ZFP36L2: variants seen among roughly 807,000 people sequenced by gnomAD.
ZFP36L2 encodes the protein mRNA decay activator protein ZFP36L2.
ZFP36L2 carries 16 observed loss-of-function variants against 27.9 expected under a neutral mutation model. The observed-to-expected ratio is 0.57, with a 90% confidence interval of 0.39 to 0.87. The LOEUF is 0.87. ZFP36L2 is among the 40% of genes least tolerant of loss of function. The pLI is 0.00. For missense variants in ZFP36L2, 989 were observed against 726.9 expected (o/e 1.36, Z -4.15); for synonymous variants, 600 against 363.8 (o/e 1.65, Z -7.39).
In ZFP36L2 at chr2:43,224,291, C is replaced by T. The variant is rs542622432; in HGVS notation, c.*28G>A. 9.1e-6 allele frequency: 14 copies of T among 1,533,198 alleles called. No individual in the cohort carries two copies. The highest frequency in any genetic ancestry group is 8.5e-5 in the African/African-American group (6 of 70,982). The allele number at this position is 1,533,198 out of a possible 1,614,324, so 95.0% of individuals were successfully genotyped here. ...CCTCCAACATCTCTGAACCGCCTTCCCTTCCTCCTCACTGGCGCCCTCTTG... is the reference window on the plus strand; with the variant it reads ...CCTCCAACATCTCTGAACCGCCTTCTCTTCCTCCTCACTGGCGCCCTCTTG... On this transcript the variant is annotated 3_prime_UTR_variant, in exon 2 of 2. Transcript: ENST00000282388.
chr2:43,226,585 A>C lies in ZFP36L2; in HGVS notation c.-270T>G. 4.1e-6 allele frequency: 2 copies of C among 483,844 alleles called. No individual in the cohort carries two copies. The highest frequency in any genetic ancestry group is 7.3e-6 in the Non-Finnish European group (2 of 275,654). The allele number at this position is 483,844 out of a possible 1,614,324, so 30.0% of individuals were successfully genotyped here. A position where few individuals can be genotyped will look rare whatever the true frequency, so the allele number is the denominator to read the frequency against. On this transcript the variant is annotated 5_prime_UTR_variant, in exon 1 of 2. Coordinates refer to ENST00000282388, the MANE Select transcript of ZFP36L2 (RefSeq NM_006887.5). The stretch of plus-strand genomic sequence containing the variant: ...CCGCCCCCCCCGCGGAGCCGACGGC[A>C]GCTCGCGGACTGCTGGAACTCGGCG...
chr2:43,222,458 A>G lies in ZFP36L2; in HGVS notation c.*1861T>C, dbSNP rs950682127. ...AAAACTACAAAACATTTACAGTACA[A>G]TGTTTACAGTCACAATTTGTAGTGA... On this transcript the variant is annotated 3_prime_UTR_variant, in exon 2 of 2. Transcript: ENST00000282388. The G allele has an allele frequency of 6.6e-6, 1 of 152,388 alleles. No homozygotes were observed. Among genetic ancestry groups the G allele is most frequent in the Non-Finnish European group, 1.5e-5 (1 of 68,032 alleles). 9.4% of individuals were successfully genotyped at this position (152,388 alleles called of 1,614,324 possible).
intron 1 of ZFP36L2, 102 bp downstream of exon 1, chr2:43,226,163 C>G: frequency 6.7e-7 from 1 of 1,492,884 alleles, no homozygotes; most frequent in Non-Finnish European, 9.1e-7. Flanking sequence ...CTTTCCCGAC[C>G]TGAAAGGCAG....
In ZFP36L2 at chr2:43,224,559, CGCGCTGGGCGGCGCCGGCGGCT is replaced by C; in HGVS notation, c.1223_1244del (p.Gln408ArgfsTer46). On this transcript the variant is annotated frameshift_variant, in exon 2 of 2. Coordinates refer to ENST00000282388, the MANE Select transcript of ZFP36L2 (RefSeq NM_006887.5). LOFTEE classifies it high-confidence loss of function. ...GTGCGGCGGCCCCGGCGGGGAGGGT[CGCGCTGGGCGGCGCCGGCGGCT>C]GCGCGGGGGGCGCCAGGCCCTGCTG... 7.3e-7 allele frequency: 1 copy of C among 1,362,656 alleles called. No individual in the cohort carries two copies. Among genetic ancestry groups the C allele is most frequent in the Non-Finnish European group, 9.4e-7 (1 of 1,065,574 alleles). 84.4% of individuals were successfully genotyped at this position (1,362,656 alleles called of 1,614,324 possible).
Position 43,222,774 on chromosome 2 carries a change from T to TA in ZFP36L2, c.*1544dup, listed in dbSNP as rs979309289. The TA allele has an allele frequency of 3.3e-5, 5 of 152,350 alleles. No homozygotes were observed. Among genetic ancestry groups the TA allele is most frequent in the African/African-American group, 1.2e-4 (5 of 41,448 alleles). 9.4% of individuals were successfully genotyped at this position (152,350 alleles called of 1,614,324 possible). A position where few individuals can be genotyped will look rare whatever the true frequency, so the allele number is the denominator to read the frequency against. ...GCGGTTGCTTCACTTTATATCTATA[T>TA]AAAAAAAGTGGTAAAAATCTTTTCC... On this transcript the variant is annotated 3_prime_UTR_variant, in exon 2 of 2. Coordinates refer to ENST00000282388, the MANE Select transcript of ZFP36L2 (RefSeq NM_006887.5).
rs923636776 is a variant in ZFP36L2, at chr2:43,226,376, C to G, written c.-61G>C. The stretch of plus-strand genomic sequence containing the variant: ...GGGAGGTCGGGAGGAGCCCTTGGGG[C>G]GGCGTGGCCGGGCTTGAGCCACGAC... On this transcript the variant is annotated 5_prime_UTR_variant, in exon 1 of 2. Transcript: ENST00000282388. The G allele has an allele frequency of 6.5e-7, 1 of 1,546,892 alleles. No homozygotes were observed. The highest frequency in any genetic ancestry group is 1.4e-5 in the African/African-American group (1 of 72,690).
In ZFP36L2 at chr2:43,226,593, G is replaced by T. The variant is rs1189021676; in HGVS notation, c.-278C>A. The T allele has an allele frequency of 1.1e-4, 51 of 477,300 alleles. No homozygotes were observed. The highest frequency in any genetic ancestry group is 6.3e-5 in the Non-Finnish European group (17 of 271,416). 29.6% of individuals were successfully genotyped at this position (477,300 alleles called of 1,614,324 possible). ...CCCGCGGAGCCGACGGCAGCTCGCG[G>T]ACTGCTGGAACTCGGCGGCCTCCGA... On this transcript the variant is annotated 5_prime_UTR_variant, in exon 1 of 2. Coordinates refer to ENST00000282388, the MANE Select transcript of ZFP36L2 (RefSeq NM_006887.5).
rs1255732698 is a variant in ZFP36L2 at position 43,225,426 on chromosome 2, C to G, written c.378G>C (p.Glu126Asp). The change falls in exon 2 of 2, where the codon GAG (glutamate) becomes GAC (aspartate). Residue 126 changes from glutamate (E) to aspartate (D), a missense_variant. Physicochemically the swap from Glu to Asp is conservative, Grantham distance 45. Transcript: ENST00000282388. Reference sequence around the variant, plus strand: ...GGAGGTGCTGGCTGCGATCGCCGTTCTCGCTAAACGAGCGGTCCCGGAATT... The same window carrying G: ...GGAGGTGCTGGCTGCGATCGCCGTTGTCGCTAAACGAGCGGTCCCGGAATT... ...ENKFRDRSFS[E>D]NGDRSQHLLH... 1.2e-6 allele frequency: 2 copies of G among 1,613,454 alleles called. No homozygotes were observed. The highest frequency in any genetic ancestry group is 1.7e-4 in the Middle Eastern group (1 of 6,056).
In ZFP36L2 at chr2:43,225,203, G is replaced by A. The variant is rs144371643; in HGVS notation, c.601C>T (p.His201Tyr). The A allele has an allele frequency of 1.2e-6, 2 of 1,603,514 alleles. No homozygotes were observed. The highest frequency in any genetic ancestry group is 1.3e-5 in the African/African-American group (1 of 74,864). The change falls in exon 2 of 2, where the codon CAT becomes TAT. Residue 201 changes from histidine (H) to tyrosine (Y), a missense_variant. Coordinates refer to ENST00000282388, the MANE Select transcript of ZFP36L2 (RefSeq NM_006887.5). ...CCATAGGGGCAGAAGCCGATGGTAT[G>A]AAAGGTGCGGCACAGCTCGGTCTTG... The part of the protein sequence containing the change: ...KYKTELCRTF[H>Y]TIGFCPYGPR...
Position 43,224,898 on chromosome 2 carries a change from G to C in ZFP36L2, c.906C>G (p.Ser302=), listed in dbSNP as rs1235780283. The change falls in exon 2 of 2, where the codon TCC becomes TCG. Residue 302 remains serine (S), a synonymous_variant. Coordinates refer to ENST00000282388, the MANE Select transcript of ZFP36L2 (RefSeq NM_006887.5). ...SCSSASSCSS[S]ASSCSSASAA... is the part of the protein sequence containing the mutation. ...CGGAGGCCGAGGAACAGGAGGAGGCGGAGGAGGAGCAGGACGAGGCCGAAG... is the reference window on the plus strand; with the variant it reads ...CGGAGGCCGAGGAACAGGAGGAGGCCGAGGAGGAGCAGGACGAGGCCGAAG... 6.5e-7 allele frequency: 1 copy of C among 1,540,434 alleles called. No individual in the cohort carries two copies. The highest frequency in any genetic ancestry group is 8.6e-7 in the Non-Finnish European group (1 of 1,158,998).
rs371641578 is a variant in ZFP36L2 at position 43,225,715 on chromosome 2, A to G, written c.89T>C (p.Met30Thr). ...CGTCCCCACCGCCTTCTTGTCCAGC[A>G]TGTTGTTCAGGTTGAGGTTGGCCAG... Reference protein sequence around the residue: ...KSLANLNLNNMLDKKAVGTPV... With the variant: ...KSLANLNLNNTLDKKAVGTPV... The change falls in exon 2 of 2, where the codon ATG (methionine) becomes ACG (threonine). Residue 30 changes from methionine (M) to threonine (T), a missense_variant. Met to Thr is a moderately conservative substitution (Grantham distance 81). Transcript: ENST00000282388. The G allele has an allele frequency of 3.0e-5, 48 of 1,595,200 alleles. No individual in the cohort carries two copies. The highest frequency in any genetic ancestry group is 4.5e-5 in the East Asian group (2 of 44,256).
Position 43,224,278 on chromosome 2 carries a change from C to G in ZFP36L2, c.*41G>C. ...TGGCGAGGGGTGTCCTCCAACATCT[C>G]TGAACCGCCTTCCCTTCCTCCTCAC... On this transcript the variant is annotated 3_prime_UTR_variant, in exon 2 of 2. Transcript: ENST00000282388. 2.7e-6 allele frequency: 4 copies of G among 1,499,998 alleles called. No homozygotes were observed. The highest frequency in any genetic ancestry group is 3.5e-6 in the Non-Finnish European group (4 of 1,128,592). 92.9% of individuals were successfully genotyped at this position (1,499,998 alleles called of 1,614,324 possible).
chr2:43,224,887 CAGGAGGAGGCGGAGG>C lies in ZFP36L2; in HGVS notation c.902_916del (p.Ser301_Ser305del). 6.6e-7 allele frequency: 1 copy of C among 1,526,706 alleles called. No homozygotes were observed. 94.6% of individuals were successfully genotyped at this position (1,526,706 alleles called of 1,614,324 possible). On this transcript the variant is annotated inframe_deletion, in exon 2 of 2. Transcript: ENST00000282388. The stretch of plus-strand genomic sequence containing the variant: ...CGTGGAGGCCGCGGAGGCCGAGGAA[CAGGAGGAGGCGGAGG>C]AGGAGCAGGACGAGGCCGAAGAGCA...
At position 43,226,265 on chromosome 2, in the gene ZFP36L2, C is replaced by T. The variant is rs1572683230; in HGVS notation, c.51G>A (p.Lys17=). The T allele has an allele frequency of 6.3e-7, 1 of 1,582,078 alleles. No homozygotes were observed. Among genetic ancestry groups the T allele is most frequent in the Non-Finnish European group, 8.6e-7 (1 of 1,163,236 alleles). Residue 17 remains lysine, a splice_region_variant and synonymous_variant, in exon 1 of 2, where the codon AAG becomes AAA. Coordinates refer to ENST00000282388, the MANE Select transcript of ZFP36L2 (RefSeq NM_006887.5). ...SAFYDVDFLC[K]TEKSLANLNL... Reference sequence around the variant, plus strand: ...CGGCCGGGCCCGCTCCCTGGCCTACCTTGCACAAGAAGTCGACATCGTAGA... The same window carrying T: ...CGGCCGGGCCCGCTCCCTGGCCTACTTTGCACAAGAAGTCGACATCGTAGA...
rs1226822573 is a variant in ZFP36L2, at chr2:43,225,130, G to T, written c.674C>A (p.Pro225Gln). 2 of 1,594,386 alleles carry T rather than the reference G, an allele frequency of 1.3e-6. No individual in the cohort carries two copies. The highest frequency in any genetic ancestry group is 1.7e-6 in the Non-Finnish European group (2 of 1,177,752). ...CAGGTCCCCGGAGGCGCCCCCCGAC[G>T]GCGCGGGCCGCCGCTCGTCCGCGTT... ...IHNADERRPA[P>Q]SGGASGDLRA... is the part of the protein sequence containing the mutation. Residue 225 changes from proline (P) to glutamine (Q), a missense_variant, in exon 2 of 2, where the codon CCG becomes CAG. Physicochemically the swap from Pro to Gln is moderately conservative, Grantham distance 76. Transcript: ENST00000282388.
chr2:43,223,478 T>C lies in ZFP36L2; in HGVS notation c.*841A>G, dbSNP rs1667011408. On this transcript the variant is annotated 3_prime_UTR_variant, in exon 2 of 2. Transcript: ENST00000282388. ...AAGATAATAAATAAGTTAAATAGTT[T>C]TCATATTGAGTTGTGGTGCAGTGGT... 5 of 152,450 alleles carry C rather than the reference T, an allele frequency of 3.3e-5. No homozygotes were observed. In the South Asian group the frequency reaches 1.0e-3, roughly 32 times the overall value. 9.4% of individuals were successfully genotyped at this position (152,450 alleles called of 1,614,324 possible).
rs753206682 is a variant in ZFP36L2, at chr2:43,225,762, G to C, written c.52-10C>G. Reference sequence around the variant, plus strand: ...CCAGGGATTTCTCTGTCTGCCAAAGGGAGGGGAGCGGGGAAGGGATGAAAA... The same window carrying C: ...CCAGGGATTTCTCTGTCTGCCAAAGCGAGGGGAGCGGGGAAGGGATGAAAA... On this transcript the variant is annotated splice_polypyrimidine_tract_variant and intron_variant, in intron 1 of 1. Coordinates refer to ENST00000282388, the MANE Select transcript of ZFP36L2 (RefSeq NM_006887.5). The C allele has an allele frequency of 1.9e-6, 3 of 1,583,946 alleles. No individual in the cohort carries two copies. The highest frequency in any genetic ancestry group is 2.2e-5 in the South Asian group (2 of 90,092).
In ZFP36L2 at chr2:43,225,281, G is replaced by A; in HGVS notation, c.523C>T (p.Gln175Ter). The change falls in exon 2 of 2, where the codon CAG (glutamine) becomes TAG (stop). Residue 175 changes from glutamine to a stop codon, truncating the protein, a stop_gained. Transcript: ENST00000282388. LOFTEE classifies it high-confidence loss of function. ...SGTCKYGEKC[Q>*]FAHGFHELRS... is the part of the protein sequence containing the mutation. The stretch of plus-strand genomic sequence containing the variant: ...AGCTCGTGGAAGCCATGCGCGAACT[G>A]GCACTTTTCGCCGTACTTGCACGTG... 1 of 1,612,054 alleles carries A rather than the reference G, an allele frequency of 6.2e-7. No homozygotes were observed. The highest frequency in any genetic ancestry group is 8.5e-7 in the Non-Finnish European group (1 of 1,179,970).
rs1261417528 is a variant in ZFP36L2 at position 43,223,371 on chromosome 2, TAATAA to T, written c.*943_*947del. On this transcript the variant is annotated 3_prime_UTR_variant, in exon 2 of 2. Transcript: ENST00000282388. ...TAATAATGGCAATCATAATTTAACA[TAATAA>T]AAGAATATATATCTATTGCTTTTCA... 1 of 152,222 alleles carries T rather than the reference TAATAA, an allele frequency of 6.6e-6. No homozygotes were observed. The highest frequency in any genetic ancestry group is 1.9e-4 in the East Asian group (1 of 5,268). The allele number at this position is 152,222 out of a possible 1,614,324, so 9.4% of individuals were successfully genotyped here. A position where few individuals can be genotyped will look rare whatever the true frequency, so the allele number is the denominator to read the frequency against.
Sources: gnomAD v4.1 joint callset for allele counts on GRCh38, gnomAD v4.1.1 for gene constraint, MANE v1.5 for transcripts, NCBI Gene and HGNC (gene_info 2026-07-23, HGNC 2026-07-21) for gene names.